Variants in SUZ12 observed in about 807,000 individuals in gnomAD.
SUZ12 encodes polycomb protein SUZ12.
SUZ12 carries 17 observed loss-of-function variants against 87.3 expected under a neutral mutation model. The ratio of observed to expected loss-of-function variants is 0.19; its 90% CI spans 0.13 to 0.29. The LOEUF is 0.29. Among genes scored for constraint, SUZ12 ranks in the 10% least tolerant of loss-of-function variants. The pLI is 1.00. For synonymous variants in SUZ12, 253 were observed against 312.4 expected, an observed-to-expected ratio of 0.81 and a Z score of 2.01; for missense variants, 526 against 912.2, an observed-to-expected ratio of 0.58 and a Z score of 5.45.
rs140872258 is a variant in SUZ12 at position 31,993,273 on chromosome 17, A to G, written c.1233A>G (p.Gln411=). 9 of 1,585,766 alleles carry G rather than the reference A, an allele frequency of 5.7e-6. No homozygotes were observed. The highest frequency in any genetic ancestry group is 7.7e-6 in the Non-Finnish European group (9 of 1,171,594). The change falls in exon 11 of 16, where the codon CAA becomes CAG. Residue 411 remains glutamine (Q), a synonymous_variant. Coordinates refer to ENST00000322652, the MANE Select transcript of SUZ12 (RefSeq NM_015355.4). ...AAGAATCATTGACTACAGATCTACAAACAAGAAAAGAAAAGGATACTCCAA... is the reference window on the plus strand; with the variant it reads ...AAGAATCATTGACTACAGATCTACAGACAAGAAAAGAAAAGGATACTCCAA... ...AVKESLTTDL[Q]TRKEKDTPNE...
At chr17:31,959,127 GC>G (rs1476110616) in intron 4 of SUZ12, among the ~76,000 whole-genome samples, 2 of 151,898 alleles carry the variant, frequency 1.3e-5, no homozygotes, top group Non-Finnish European at 2.9e-5. Flanking sequence ...AATACACTTT[GC>G]CTTGACTATA....
chr17:31,999,044 A>G lies in SUZ12; in HGVS notation c.*41A>G. On this transcript the variant is annotated 3_prime_UTR_variant, in exon 16 of 16. Coordinates refer to ENST00000322652, the MANE Select transcript of SUZ12 (RefSeq NM_015355.4). ...TGTTATGGACAAACACTGAAATTAC[A>G]TTTTAGGGAATTCATCCTCTAAGAA... 1.4e-6 allele frequency: 2 copies of G among 1,438,460 alleles called. No homozygotes were observed. The highest frequency in any genetic ancestry group is 9.2e-7 in the Non-Finnish European group (1 of 1,081,686). 89.1% of individuals were successfully genotyped at this position (1,438,460 alleles called of 1,614,324 possible).
intron 4 of SUZ12, among the ~76,000 whole-genome samples, chr17:31,954,352 C>T (rs372938868): frequency 9.8e-5 from 15 of 152,310 alleles, no homozygotes; most frequent in Admixed American, 3.3e-4. Flanking sequence ...TGAGCCTCTG[C>T]GCCCAGCCAA....
chr17:31,980,583 G>A (rs908491702), intron 8 of SUZ12, among the ~76,000 whole-genome samples: 1 of 151,550 alleles, frequency 6.6e-6, no homozygotes, highest in Non-Finnish European at 1.5e-5. Context: ...CCGAGTAGCT[G>A]GGATTAAGGC....
intron 10 of SUZ12, among the ~76,000 whole-genome samples, chr17:31,990,343 G>A (rs1215906279): frequency 1.3e-5 from 2 of 150,782 alleles, no homozygotes; most frequent in Non-Finnish European, 3.0e-5. Context: ...ACCTCCTGAC[G>A]TCGTGCTCTG....
intron 4 of SUZ12, among the ~76,000 whole-genome samples, chr17:31,957,322 C>T (rs1365024736): frequency 1.3e-5 from 2 of 151,964 alleles, no homozygotes; most frequent in Non-Finnish European, 2.9e-5. Context: ...TCACTACAAC[C>T]TCCACCTCCT....
chr17:31,989,874 G>T (rs1195618717), intron 10 of SUZ12, among the ~76,000 whole-genome samples: 1 of 151,488 alleles, frequency 6.6e-6, no homozygotes, highest in African/African-American at 2.4e-5. Flanking sequence ...CTCCCAAAGT[G>T]CTGGGATTAC....
chr17:31,953,399 C>T (rs1299419671), intron 4 of SUZ12, among the ~76,000 whole-genome samples: 1 of 152,130 alleles, frequency 6.6e-6, no homozygotes, highest in Non-Finnish European at 1.5e-5. Flanking sequence ...GTGTGAGCCA[C>T]CATGCCTGGC....
chr17:31,986,462 A>C (rs1909424763), intron 9 of SUZ12, among the ~76,000 whole-genome samples: 1 of 152,200 alleles, frequency 6.6e-6, no homozygotes, highest in South Asian at 2.1e-4. Flanking sequence ...TGTATCAAGT[A>C]TTTTATAAGA....
chr17:31,991,565 A>C (rs919892074), intron 10 of SUZ12, among the ~76,000 whole-genome samples: 1 of 152,028 alleles, frequency 6.6e-6, no homozygotes, highest in Non-Finnish European at 1.5e-5. Context: ...ATCTGAAAGG[A>C]AATATACCAG....
intron 4 of SUZ12, among the ~76,000 whole-genome samples, chr17:31,960,133 A>G (rs1907608620): frequency 6.6e-6 from 1 of 152,176 alleles, no homozygotes; most frequent in African/African-American, 2.4e-5. Context: ...GAAGGGAGAG[A>G]AAACTTTGCC....
chr17:31,960,807 G>A (rs1907664556), intron 4 of SUZ12, among the ~76,000 whole-genome samples: 1 of 152,124 alleles, frequency 6.6e-6, no homozygotes, highest in Non-Finnish European at 1.5e-5. Context: ...TCCAACTCCT[G>A]ACCTCAAGTG....
At chr17:31,956,948 G>A (rs371112483) in intron 4 of SUZ12, among the ~76,000 whole-genome samples, 1 of 151,978 alleles carries the variant, frequency 6.6e-6, no homozygotes, top group East Asian at 1.9e-4. Flanking sequence ...GCTAATGTTT[G>A]TATTTTTAGT....
At chr17:31,953,710 A>AG (rs1907120430) in intron 4 of SUZ12, among the ~76,000 whole-genome samples, 1 of 146,222 alleles carries the variant, frequency 6.8e-6, no homozygotes, top group African/African-American at 2.5e-5. Flanking sequence ...GCCCAGCCTC[A>AG]ATTTTTTTTT....
At chr17:31,941,055 G>A (rs1567810264) in intron 3 of SUZ12, among the ~76,000 whole-genome samples, 1 of 151,796 alleles carries the variant, frequency 6.6e-6, no homozygotes, top group East Asian at 1.9e-4. Flanking sequence ...AGTGAATAAA[G>A]TGATTTTACT....
intron 4 of SUZ12, among the ~76,000 whole-genome samples, chr17:31,952,251 G>C (rs561199004): frequency 6.6e-6 from 1 of 152,196 alleles, no homozygotes; most frequent in Admixed American, 6.5e-5. Context: ...GTAGAGGCAG[G>C]ATCTTGCTAT....
chr17:31,953,894 A>C (rs138000091), intron 4 of SUZ12, among the ~76,000 whole-genome samples: 5,908 of 150,262 alleles, frequency 0.039, 387 homozygotes, highest in African/African-American at 0.13. Context: ...TTGTATTTTT[A>C]GTAGAGAAGG....
intron 4 of SUZ12, chr17:31,964,050 G>A (rs377103982): frequency 0.07 from 10,576 of 150,628 alleles, no homozygotes; most frequent in African/African-American, 0.23. Context: ...TTTTTGAGGC[G>A]GAGTCTTGCT....
intron 6 of SUZ12, among the ~76,000 whole-genome samples, chr17:31,973,968 A>G (rs994169938): frequency 6.6e-6 from 1 of 152,092 alleles, no homozygotes; most frequent in Non-Finnish European, 1.5e-5. Context: ...GCTCACACCT[A>G]TAATCCCAGC....
Sources: allele counts gnomAD v4.1 joint callset (sites outside exome capture counted in the v4.1 genomes callset), GRCh38; gene constraint gnomAD v4.1.1; transcripts MANE v1.5; gene names NCBI Gene and HGNC (gene_info 2026-07-23, HGNC 2026-07-21).